The following RARS2 variants were observed in gnomAD, a reference collection of about 807,000 sequenced individuals.
The protein encoded by RARS2 is arginyl-tRNA synthetase 2, mitochondrial.
RARS2 carries 67 observed loss-of-function variants against 88.5 expected under a neutral mutation model. The observed-to-expected ratio is 0.76, with a 90% CI of 0.62 to 0.93. RARS2 has a LOEUF of 0.93. Ranked by LOEUF, RARS2 falls within the 40% of genes least tolerant of loss-of-function variation. The pLI is 0.00. For missense variants in RARS2, 664 were observed against 684.2 expected, an observed-to-expected ratio of 0.97 and a Z score of 0.33; for synonymous variants, 239 against 230.3, an observed-to-expected ratio of 1.04 and a Z score of -0.34.
Position 87,518,689 on chromosome 6 carries a change from A to T in RARS2, c.1356T>A (p.Val452=). The T allele has an allele frequency of 1.2e-6, 2 of 1,614,084 alleles. No individual in the cohort carries two copies. The highest frequency in any genetic ancestry group is 8.5e-7 in the Non-Finnish European group (1 of 1,179,986). The part of the protein sequence containing the change: ...LSDYKFSWDR[V]FQSRGDTGVF... ...CTCCTGTGTCCCCGCGACTCTGGAA[A>T]ACACGATCCCAGCTGAACTTGTAGT... The change falls in exon 16 of 20, where the codon GTT becomes GTA. Residue 452 remains valine, a synonymous_variant. Transcript: ENST00000369536.
At chr6:87,522,651 T>A (rs1774307573) in intron 11 of RARS2, among the ~76,000 whole-genome samples, 2 of 152,164 alleles carry the variant, frequency 1.3e-5, no homozygotes, top group South Asian at 4.1e-4. Flanking sequence ...AGGCAAAAAC[T>A]GGCTAATTTT....
intron 1 of RARS2, among the ~76,000 whole-genome samples, chr6:87,587,572 G>C (rs1236426157): frequency 1.3e-5 from 2 of 152,132 alleles, no homozygotes; most frequent in Non-Finnish European, 2.9e-5. Flanking sequence ...TTTAAAGTTA[G>C]AGTTCTGTTC....
intron 1 of RARS2, chr6:87,589,712 TACTTTTC>T (rs948216336): frequency 1.7e-5 from 17 of 985,106 alleles, no homozygotes; most frequent in South Asian, 9.4e-5. Context: ...TTTCAAAGTT[TACTTTTC>T]ACCGAGACAA....
At chr6:87,530,001 T>C (rs567649359) in intron 9 of RARS2, among the ~76,000 whole-genome samples, 1 of 152,136 alleles carries the variant, frequency 6.6e-6, no homozygotes, top group Admixed American at 6.6e-5. Context: ...CAGTAATCAC[T>C]AGGCCCAAGT....
At chr6:87,557,680 A>G (rs1786414420) in intron 4 of RARS2, among the ~76,000 whole-genome samples, 1 of 152,098 alleles carries the variant, frequency 6.6e-6, no homozygotes, top group South Asian at 2.1e-4. Context: ...TTCAAACATC[A>G]TCTTACCTGG....
chr6:87,518,809 G>C lies in RARS2; in HGVS notation c.1305+15C>G. 1 of 1,613,504 alleles carries C rather than the reference G, an allele frequency of 6.2e-7. No homozygotes were observed. The highest frequency in any genetic ancestry group is 8.5e-7 in the Non-Finnish European group (1 of 1,179,456). ...ACCAAACAAAAGGGCCTCACAGGTA[G>C]GAGTCTTAACAGACCTGAATAATGA... On this transcript the variant is annotated intron_variant, in intron 15 of 19. Transcript: ENST00000369536.
intron 1 of RARS2, among the ~76,000 whole-genome samples, chr6:87,580,736 A>G (rs1773232863): frequency 1.3e-5 from 2 of 152,022 alleles, no homozygotes; most frequent in Non-Finnish European, 2.9e-5. Context: ...GAAATTACAG[A>G]CATTGGCCAC....
At chr6:87,529,192 G>C (rs2128055885) in intron 10 of RARS2, among the ~76,000 whole-genome samples, 1 of 152,154 alleles carries the variant, frequency 6.6e-6, no homozygotes, top group South Asian at 2.1e-4. Context: ...TTTTTGAAAA[G>C]GCAGGGATTT....
intron 1 of RARS2, among the ~76,000 whole-genome samples, chr6:87,583,192 T>A (rs938435855): frequency 5.9e-5 from 9 of 152,224 alleles, no homozygotes; most frequent in African/African-American, 2.2e-4. Context: ...AAAATGTTAA[T>A]AACTGCTGAA....
At chr6:87,540,036 T>C (rs1780416349) in intron 8 of RARS2, among the ~76,000 whole-genome samples, 1 of 152,098 alleles carries the variant, frequency 6.6e-6, no homozygotes, top group Non-Finnish European at 1.5e-5. Flanking sequence ...TCAATAAAAC[T>C]CTTAATGGGA....
chr6:87,568,368 C>A (rs891585983), intron 2 of RARS2, among the ~76,000 whole-genome samples: 5 of 152,146 alleles, frequency 3.3e-5, no homozygotes, highest in Non-Finnish European at 5.9e-5. Context: ...GGCATAGTGG[C>A]GTGAGCCTGT....
intron 5 of RARS2, 116 bp from the exon 6 acceptor site, chr6:87,548,762 C>T (rs1783423329): frequency 1.1e-6 from 1 of 899,214 alleles, no homozygotes. Context: ...GGTATTAGGG[C>T]AAAGATAAGT....
chr6:87,518,889 T>C lies in RARS2; in HGVS notation c.1240A>G (p.Thr414Ala), dbSNP rs1449883572. The change falls in exon 15 of 20, where the codon ACT (threonine) becomes GCT (alanine). Residue 414 changes from threonine to alanine, a missense_variant and splice_region_variant. Physicochemically the swap from Thr to Ala is moderately conservative, Grantham distance 58 (BLOSUM62 0). Transcript: ENST00000369536. ...TCTTGTGGGTTCTTGAGTTCTTTAG[T>C]TGCTGAAACAGACAAAGGCAGCTAT... ...MLQNMASIKT[T>A]KELKNPQETA... 6.2e-7 allele frequency: 1 copy of C among 1,613,982 alleles called. No homozygotes were observed.
At chr6:87,514,822 C>T in intron 19 of RARS2, 135 bp downstream of exon 19, 1 of 769,856 alleles carries the variant, frequency 1.3e-6, no homozygotes, top group Non-Finnish European at 2.3e-6. Context: ...ATTGTTACAG[C>T]CTAATTATTA....
At chr6:87,560,648 C>T (rs1787549959) in intron 4 of RARS2, among the ~76,000 whole-genome samples, 1 of 152,136 alleles carries the variant, frequency 6.6e-6, no homozygotes, top group African/African-American at 2.4e-5. Flanking sequence ...CCTGTAATGC[C>T]AGCACTTTGG....
At chr6:87,549,531 G>A (rs1783714993) in intron 5 of RARS2, among the ~76,000 whole-genome samples, 1 of 150,346 alleles carries the variant, frequency 6.7e-6, no homozygotes, top group Non-Finnish European at 1.5e-5. Context: ...GGGTGACAGA[G>A]TAAGATTCTG....
chr6:87,553,293 G>A (rs1469904536), intron 5 of RARS2, among the ~76,000 whole-genome samples: 1 of 152,134 alleles, frequency 6.6e-6, no homozygotes, highest in Non-Finnish European at 1.5e-5. Context: ...GATGACCGCA[G>A]TTACATAAGT....
At chr6:87,532,320 T>C (rs970050916) in intron 8 of RARS2, among the ~76,000 whole-genome samples, 1 of 152,216 alleles carries the variant, frequency 6.6e-6, no homozygotes, top group Admixed American at 6.5e-5. Context: ...TTAACTTAGA[T>C]TTTTGGGAAT....
In RARS2 at chr6:87,533,272, AC is replaced by A. The variant is rs1778098282; in HGVS notation, c.613-2331del. Among the ~76,000 whole-genome samples the A allele has an allele frequency of 5.6e-5, 6 of 108,080 alleles. No individual in the cohort carries two copies. The South Asian group carries it at 1.7e-3, about 31-fold the overall frequency. The allele number at this position is 108,080 out of a possible 152,430, so 70.9% of individuals were successfully genotyped here. A position where few individuals can be genotyped will look rare whatever the true frequency, so the allele number is the denominator to read the frequency against. On this transcript the variant is annotated intron_variant, in intron 8 of 19. Coordinates refer to ENST00000369536, the MANE Select transcript of RARS2 (RefSeq NM_020320.5). ...TTCTTAAAAAATAGAAATAATTAAA[AC>A]AAAAAGCCCTTAAAACGTGAATATT...
Sources: gnomAD v4.1 joint callset for allele counts (sites outside exome capture counted in the v4.1 genomes callset) on GRCh38, gnomAD v4.1.1 for gene constraint, MANE v1.5 for transcripts, NCBI Gene and HGNC (gene_info 2026-07-23, HGNC 2026-07-21) for gene names.